The following SKIDA1 variants were observed in gnomAD, a reference collection of about 807,000 sequenced individuals.
The protein encoded by SKIDA1 is SKI/DACH domain containing 1.
A neutral mutation model predicts 51.4 loss-of-function variants in SKIDA1; 18 were observed. The observed-to-expected ratio is 0.35, with a 90% CI of 0.24 to 0.52. SKIDA1 has a LOEUF of 0.52. SKIDA1 is among the 20% of genes least tolerant of loss of function. SKIDA1 has a pLI of 0.95. For synonymous variants in SKIDA1, 579 were observed against 500.5 expected, an observed-to-expected ratio of 1.16 and a Z score of -2.09; for missense variants, 1,104 against 1,180.6, an observed-to-expected ratio of 0.94 and a Z score of 0.95.
At position 21,515,967 on chromosome 10, in the gene SKIDA1, C is replaced by G. The variant is rs764659727; in HGVS notation, c.1856G>C (p.Arg619Thr). Residue 619 changes from arginine (R) to threonine (T), a missense_variant, in exon 4 of 4, where the codon AGG becomes ACG. Coordinates refer to ENST00000449193, the MANE Select transcript of SKIDA1 (RefSeq NM_207371.4). ...TCCTGAAGAATCATTATTTAAGAAC[C>G]TAGCAGCTATTGTGTTGTTATCTGC... ...HCADNNTIAA[R>T]FLNNDSSGAE... 1 of 1,613,886 alleles carries G rather than the reference C, an allele frequency of 6.2e-7. No individual in the cohort carries two copies. The highest frequency in any genetic ancestry group is 8.5e-7 in the Non-Finnish European group (1 of 1,179,830).
rs778159004 is a variant in SKIDA1 at position 21,517,292 on chromosome 10, G to C, written c.531C>G (p.Pro177=). The change falls in exon 4 of 4, where the codon CCC becomes CCG. Residue 177 remains proline, a synonymous_variant. Coordinates refer to ENST00000449193, the MANE Select transcript of SKIDA1 (RefSeq NM_207371.4). This position sits in a 1 kb window ranked among gnomAD's most constrained non-coding sequence, Gnocchi z 6.9. ...AHLPQIFSKY[P]GSHYPEIVRS... ...GCACGATCTCCGGGTAGTGCGAGCC[G>C]GGGTATTTGCTAAAAATCTGAGGTA... 14 of 1,466,942 alleles carry C rather than the reference G, an allele frequency of 9.5e-6. No individual in the cohort carries two copies. In the East Asian group the frequency reaches 4.0e-4, roughly 42 times the overall value. The allele number at this position is 1,466,942 out of a possible 1,614,324, so 90.9% of individuals were successfully genotyped here. A position where few individuals can be genotyped will look rare whatever the true frequency, so the allele number is the denominator to read the frequency against.
At position 21,517,095 on chromosome 10, in the gene SKIDA1, G is replaced by A. The variant is rs1458382431; in HGVS notation, c.728C>T (p.Ala243Val). 23 of 995,752 alleles carry A rather than the reference G, an allele frequency of 2.3e-5. No individual in the cohort carries two copies. The highest frequency in any genetic ancestry group is 2.5e-5 in the Non-Finnish European group (21 of 836,240). The allele number at this position is 995,752 out of a possible 1,614,324, so 61.7% of individuals were successfully genotyped here. A position where few individuals can be genotyped will look rare whatever the true frequency, so the allele number is the denominator to read the frequency against. ...AAAAAAAAAA[A>V]AYYQVSAAGP... is the part of the protein sequence containing the mutation. The stretch of plus-strand genomic sequence containing the variant: ...GGCCGCCGATACCTGGTAATAGGCG[G>A]CGGCGGCGGCGGCGGCGGCGGCGGC... Residue 243 changes from alanine to valine, a missense_variant, in exon 4 of 4, where the codon GCC (alanine) becomes GTC (valine). By Grantham distance (64) the Ala-to-Val change is moderately conservative. Coordinates refer to ENST00000449193, the MANE Select transcript of SKIDA1 (RefSeq NM_207371.4). The surrounding 1 kb of genome is among the most constrained non-coding windows in gnomAD (Gnocchi z 6.9).
chr10:21,517,327 CG>C lies in SKIDA1; in HGVS notation c.495del (p.Ala166ProfsTer28). 1.4e-6 allele frequency: 2 copies of C among 1,429,620 alleles called. No homozygotes were observed. The highest frequency in any genetic ancestry group is 9.2e-7 in the Non-Finnish European group (1 of 1,089,210). The allele number at this position is 1,429,620 out of a possible 1,614,324, so 88.6% of individuals were successfully genotyped here. ...CTAAAAATCTGAGGTAGATGGGCGG[CG>C]GGGCGCGCGGCGGCGGCGCCCGGGC... ...SQRPGAAAAR[P>X]AAHLPQIFSK... On this transcript the variant is annotated frameshift_variant, in exon 4 of 4. Transcript: ENST00000449193. LOFTEE classifies it high-confidence loss of function. This position sits in a 1 kb window ranked among gnomAD's most constrained non-coding sequence, Gnocchi z 6.9.
In SKIDA1 at chr10:21,515,606, T is replaced by C; in HGVS notation, c.2217A>G (p.Ala739=). ...ALLTTAKEGF[A]CPEKETPSLN... is the part of the protein sequence containing the mutation. ...AGGAAGGAGTTTCTTTTTCAGGGCATGCAAAACCTTCCTTGGCTGTGGTTA... is the reference window on the plus strand; with the variant it reads ...AGGAAGGAGTTTCTTTTTCAGGGCACGCAAAACCTTCCTTGGCTGTGGTTA... Residue 739 remains alanine, a synonymous_variant, in exon 4 of 4, where the codon GCA becomes GCG. Transcript: ENST00000449193. The C allele has an allele frequency of 6.2e-7, 1 of 1,614,062 alleles. No individual in the cohort carries two copies. The highest frequency in any genetic ancestry group is 1.1e-5 in the South Asian group (1 of 91,088).
At position 21,519,289 on chromosome 10, in the gene SKIDA1, T is replaced by C. The variant is rs961144170; in HGVS notation, c.-1467A>G. 8 of 167,128 alleles carry C rather than the reference T, an allele frequency of 4.8e-5. No homozygotes were observed. Among genetic ancestry groups the C allele is most frequent in the African/African-American group, 1.9e-4 (8 of 41,474 alleles). 10.4% of individuals were successfully genotyped at this position (167,128 alleles called of 1,614,324 possible). On this transcript the variant is annotated 5_prime_UTR_variant, in exon 4 of 4. Coordinates refer to ENST00000449193, the MANE Select transcript of SKIDA1 (RefSeq NM_207371.4). ...CTGTTTCAGTGGTTTGTGATGCTTT[T>C]GGTTGGTAGTTTAGGTAAATCTTCC...
Position 21,517,267 on chromosome 10 carries a change from G to A in SKIDA1, c.556C>T (p.Arg186Cys), listed in dbSNP as rs1324020055. 2.2e-5 allele frequency: 32 copies of A among 1,473,036 alleles called. No individual in the cohort carries two copies. Among genetic ancestry groups the A allele is most frequent in the East Asian group, 3.0e-5 (1 of 32,888 alleles). The allele number at this position is 1,473,036 out of a possible 1,614,324, so 91.2% of individuals were successfully genotyped here. The stretch of plus-strand genomic sequence containing the variant: ...TTTAGAGGGGGTTTGCACGGCGAGC[G>A]CACGATCTCCGGGTAGTGCGAGCCG... ...YPGSHYPEIV[R>C]SPCKPPLNYE... The change falls in exon 4 of 4, where the codon CGC (arginine) becomes TGC (cysteine). Residue 186 changes from arginine to cysteine, a missense_variant. Coordinates refer to ENST00000449193, the MANE Select transcript of SKIDA1 (RefSeq NM_207371.4). The surrounding 1 kb of genome is among the most constrained non-coding windows in gnomAD (Gnocchi z 6.9).
chr10:21,522,105 A>C (rs906250460), intron 2 of SKIDA1, among the ~76,000 whole-genome samples: 4 of 152,234 alleles, frequency 2.6e-5, no homozygotes, highest in Non-Finnish European at 4.4e-5. Flanking sequence ...TAGTTTACTA[A>C]TGGGGAAAGT....
intron 3 of SKIDA1, 112 bp downstream of exon 3, chr10:21,521,277 C>T (rs1053799402): frequency 6.6e-6 from 1 of 152,346 alleles, no homozygotes; most frequent in Admixed American, 6.5e-5. Context: ...TCAATAGCTA[C>T]CAACATTTAT....
chr10:21,516,929 G>A lies in SKIDA1; in HGVS notation c.894C>T (p.Ser298=). 1.8e-6 allele frequency: 2 copies of A among 1,135,986 alleles called. No homozygotes were observed. Among genetic ancestry groups the A allele is most frequent in the Non-Finnish European group, 2.2e-6 (2 of 928,308 alleles). 70.4% of individuals were successfully genotyped at this position (1,135,986 alleles called of 1,614,324 possible). The change falls in exon 4 of 4, where the codon TCC becomes TCT. Residue 298 remains serine (S), a synonymous_variant. Coordinates refer to ENST00000449193, the MANE Select transcript of SKIDA1 (RefSeq NM_207371.4). This position sits in a 1 kb window ranked among gnomAD's most constrained non-coding sequence, Gnocchi z 5.7. ...GARRLLLLPR[S]YKAKAAAAAA... The stretch of plus-strand genomic sequence containing the variant: ...CCGCCGCCGCCGCCTTGGCTTTGTA[G>A]GACCTGGGCAACAGCAGCAGGCGCC...
chr10:21,517,261 G>A lies in SKIDA1; in HGVS notation c.562C>T (p.Pro188Ser). 6.8e-7 allele frequency: 1 copy of A among 1,474,058 alleles called. No homozygotes were observed. The highest frequency in any genetic ancestry group is 9.0e-7 in the Non-Finnish European group (1 of 1,109,960). The allele number at this position is 1,474,058 out of a possible 1,614,324, so 91.3% of individuals were successfully genotyped here. ...TCATAGTTTAGAGGGGGTTTGCACG[G>A]CGAGCGCACGATCTCCGGGTAGTGC... Reference protein sequence around the residue: ...GSHYPEIVRSPCKPPLNYETA... With the variant: ...GSHYPEIVRSSCKPPLNYETA... The change falls in exon 4 of 4, where the codon CCG becomes TCG. Residue 188 changes from proline to serine, a missense_variant. Physicochemically the swap from Pro to Ser is moderately conservative, Grantham distance 74. This residue lies in a region of SKIDA1 where 938 missense variants were observed against 886.4 expected (regional missense o/e 1.06). Coordinates refer to ENST00000449193, the MANE Select transcript of SKIDA1 (RefSeq NM_207371.4). The surrounding 1 kb of genome is among the most constrained non-coding windows in gnomAD (Gnocchi z 6.9).
At position 21,515,946 on chromosome 10, in the gene SKIDA1, G is replaced by A; in HGVS notation, c.1877C>T (p.Ser626Leu). Reference protein sequence around the residue: ...IAARFLNNDSSGAEANSEKYS... With the variant: ...IAARFLNNDSLGAEANSEKYS... The stretch of plus-strand genomic sequence containing the variant: ...TTTTTCTGAATTTGCTTCTGCTCCT[G>A]AAGAATCATTATTTAAGAACCTAGC... Residue 626 changes from serine to leucine, a missense_variant, in exon 4 of 4, where the codon TCA (serine) becomes TTA (leucine). Coordinates refer to ENST00000449193, the MANE Select transcript of SKIDA1 (RefSeq NM_207371.4). 5 of 1,613,970 alleles carry A rather than the reference G, an allele frequency of 3.1e-6. No homozygotes were observed. Among genetic ancestry groups the A allele is most frequent in the Non-Finnish European group, 4.2e-6 (5 of 1,179,848 alleles).
At position 21,516,119 on chromosome 10, in the gene SKIDA1, G is replaced by C. The variant is rs1333401360; in HGVS notation, c.1704C>G (p.Asp568Glu). 1.2e-6 allele frequency: 2 copies of C among 1,613,894 alleles called. No individual in the cohort carries two copies. The highest frequency in any genetic ancestry group is 1.7e-6 in the Non-Finnish European group (2 of 1,179,898). ...CCTCTGCCAGGCAGTTAATTGTCAGGTCAGTTCTCTTTACAGCATTGGAAA... is the reference window on the plus strand; with the variant it reads ...CCTCTGCCAGGCAGTTAATTGTCAGCTCAGTTCTCTTTACAGCATTGGAAA... Reference protein sequence around the residue: ...SEISNAVKRTDLTINCLAEGA... With the variant: ...SEISNAVKRTELTINCLAEGA... The change falls in exon 4 of 4, where the codon GAC becomes GAG. Residue 568 changes from aspartate (D) to glutamate (E), a missense_variant. This residue lies in a region of SKIDA1 where 938 missense variants were observed against 886.4 expected (regional missense o/e 1.06). Coordinates refer to ENST00000449193, the MANE Select transcript of SKIDA1 (RefSeq NM_207371.4). The surrounding 1 kb of genome is among the most constrained non-coding windows in gnomAD (Gnocchi z 5.7).
chr10:21,515,316 A>G lies in SKIDA1; in HGVS notation c.2507T>C (p.Val836Ala), dbSNP rs1315941507. The G allele has an allele frequency of 6.2e-7, 1 of 1,614,028 alleles. No homozygotes were observed. Among genetic ancestry groups the G allele is most frequent in the Admixed American group, 1.7e-5 (1 of 60,030 alleles). ...AAATGGCCTTTTCACTGCTGATGCT[A>G]CATTGCTGGCTACCTTTTTGCGTCT... is the stretch of plus-strand genomic sequence containing the variant. ...INRRKKVASNVASAVKRPFHF... is the reference protein window; with the variant it reads ...INRRKKVASNAASAVKRPFHF... Residue 836 changes from valine to alanine, a missense_variant, in exon 4 of 4, where the codon GTA (valine) becomes GCA (alanine). Physicochemically the swap from Val to Ala is moderately conservative, Grantham distance 64. This residue lies in a region of SKIDA1 where 112 missense variants were observed against 168.3 expected (regional missense o/e 0.67). Transcript: ENST00000449193.
rs1217523702 is a variant in SKIDA1 at position 21,517,206 on chromosome 10, G to A, written c.617C>T (p.Ala206Val). ...AAAATAAGCAGGGTCCGAGGGGAAG[G>A]CGACGTAGTTTCCCTGGAGCGGGGC... ...ETAPLQGNYV[A>V]FPSDPAYFRS... Residue 206 changes from alanine to valine, a missense_variant, in exon 4 of 4, where the codon GCC (alanine) becomes GTC (valine). Physicochemically the swap from Ala to Val is moderately conservative, Grantham distance 64 (BLOSUM62 0). Transcript: ENST00000449193. This position sits in a 1 kb window ranked among gnomAD's most constrained non-coding sequence, Gnocchi z 6.9. 13 of 1,452,074 alleles carry A rather than the reference G, an allele frequency of 9.0e-6. No individual in the cohort carries two copies. Among genetic ancestry groups the A allele is most frequent in the Middle Eastern group, 1.8e-4 (1 of 5,566 alleles). The allele number at this position is 1,452,074 out of a possible 1,614,324, so 89.9% of individuals were successfully genotyped here. A position where few individuals can be genotyped will look rare whatever the true frequency, so the allele number is the denominator to read the frequency against.
At position 21,517,081 on chromosome 10, in the gene SKIDA1, C is replaced by G; in HGVS notation, c.742G>C (p.Val248Leu). 1.0e-6 allele frequency: 1 copy of G among 992,826 alleles called. No homozygotes were observed. Among genetic ancestry groups the G allele is most frequent in the Non-Finnish European group, 1.2e-6 (1 of 838,728 alleles). The allele number at this position is 992,826 out of a possible 1,614,324, so 61.5% of individuals were successfully genotyped here. Residue 248 changes from valine (V) to leucine (L), a missense_variant, in exon 4 of 4, where the codon GTA becomes CTA. By Grantham distance (32) the Val-to-Leu change is conservative. This residue lies in a region of SKIDA1 where 938 missense variants were observed against 886.4 expected (regional missense o/e 1.06). Coordinates refer to ENST00000449193, the MANE Select transcript of SKIDA1 (RefSeq NM_207371.4). The surrounding 1 kb of genome is among the most constrained non-coding windows in gnomAD (Gnocchi z 6.9). ...AAAAAAAYYQ[V>L]SAAGPQPKAA... is the part of the protein sequence containing the mutation. Reference sequence around the variant, plus strand: ...TTGGGCTGGGGCCCGGCCGCCGATACCTGGTAATAGGCGGCGGCGGCGGCG... The same window carrying G: ...TTGGGCTGGGGCCCGGCCGCCGATAGCTGGTAATAGGCGGCGGCGGCGGCG...
Position 21,515,971 on chromosome 10 carries a change from C to T in SKIDA1, c.1852G>A (p.Ala618Thr). 1 of 1,613,888 alleles carries T rather than the reference C, an allele frequency of 6.2e-7. No homozygotes were observed. ...GAAGAATCATTATTTAAGAACCTAG[C>T]AGCTATTGTGTTGTTATCTGCACAG... ...THCADNNTIAARFLNNDSSGA... is the reference protein window; with the variant it reads ...THCADNNTIATRFLNNDSSGA... Residue 618 changes from alanine to threonine, a missense_variant, in exon 4 of 4, where the codon GCT becomes ACT. Ala to Thr is a moderately conservative substitution (Grantham distance 58, BLOSUM62 0). This residue lies in a region of SKIDA1 where 938 missense variants were observed against 886.4 expected (regional missense o/e 1.06). Coordinates refer to ENST00000449193, the MANE Select transcript of SKIDA1 (RefSeq NM_207371.4).
Position 21,514,491 on chromosome 10 carries a change from C to CT in SKIDA1, c.*604dup, listed in dbSNP as rs1344984690. The CT allele has an allele frequency of 8.8e-6, 1 of 113,516 alleles. No homozygotes were observed. Among genetic ancestry groups the CT allele is most frequent in the Non-Finnish European group, 1.9e-5 (1 of 53,678 alleles). The allele number at this position is 113,516 out of a possible 1,614,324, so 7.0% of individuals were successfully genotyped here. ...CAGGACTCACACCCCAATCTTTCCA[C>CT]TAAAAAAAAAAAAAAAAAGTTAAGT... is the stretch of plus-strand genomic sequence containing the variant. On this transcript the variant is annotated 3_prime_UTR_variant, in exon 4 of 4. Transcript: ENST00000449193.
chr10:21,513,684 T>A lies in SKIDA1; in HGVS notation c.*1412A>T, dbSNP rs906861132. On this transcript the variant is annotated 3_prime_UTR_variant, in exon 4 of 4. Transcript: ENST00000449193. ...AGTCACCTCTGATTGTCACTTGCAG[T>A]AGAAACTCTCCTGCTCTATACACAG... The A allele has an allele frequency of 2.0e-5, 3 of 152,618 alleles. No individual in the cohort carries two copies. The highest frequency in any genetic ancestry group is 1.5e-5 in the Non-Finnish European group (1 of 68,032). 9.5% of individuals were successfully genotyped at this position (152,618 alleles called of 1,614,324 possible). A position where few individuals can be genotyped will look rare whatever the true frequency, so the allele number is the denominator to read the frequency against.
Position 21,515,469 on chromosome 10 carries a change from A to G in SKIDA1, c.2354T>C (p.Val785Ala). Residue 785 changes from valine to alanine, a missense_variant, in exon 4 of 4, where the codon GTA becomes GCA. Val to Ala is a moderately conservative substitution (Grantham distance 64, BLOSUM62 0). Transcript: ENST00000449193. ...CTGAAGGACAGGTCGCTTTCCCAGT[A>G]CTAGTGTCCGGTAATTTTTTCTCAC... is the stretch of plus-strand genomic sequence containing the variant. ...ARVRKNYRTLVLGKRPVLQTP... is the reference protein window; with the variant it reads ...ARVRKNYRTLALGKRPVLQTP... The G allele has an allele frequency of 6.2e-7, 1 of 1,614,006 alleles. No homozygotes were observed. Among genetic ancestry groups the G allele is most frequent in the African/African-American group, 1.3e-5 (1 of 75,042 alleles).
Sources: allele counts gnomAD v4.1 joint callset (sites outside exome capture counted in the v4.1 genomes callset), GRCh38; gene constraint gnomAD v4.1.1; regional missense constraint gnomAD v4.1.1; non-coding constraint Gnocchi (gnomAD v3.1); transcripts MANE v1.5; gene names NCBI Gene and HGNC (gene_info 2026-07-23, HGNC 2026-07-21).